CFAP54: variants seen among roughly 807,000 people sequenced by gnomAD.
CFAP54 encodes the protein cilia and flagella associated protein 54.
In CFAP54, 290 loss-of-function variants were observed where a neutral mutation model predicts 370.4. The ratio of observed to expected loss-of-function variants is 0.78; its 90% CI spans 0.71 to 0.86. The LOEUF (loss-of-function observed/expected upper bound fraction) is 0.86. Among genes scored for constraint, CFAP54 ranks in the 40% least tolerant of loss-of-function variants. The pLI is 0.00. For synonymous variants in CFAP54, 1,206 were observed against 1,236.5 expected (o/e 0.98, Z 0.52); for missense variants, 3,399 against 3,528.7 (o/e 0.96, Z 0.93).
chr12:96,648,680 C>G (rs11108614), intron 34 of CFAP54, among the ~76,000 whole-genome samples: 13,055 of 144,952 alleles, frequency 0.09, 925 homozygotes, highest in East Asian at 0.45. Flanking sequence ...CCTCCGCCTC[C>G]TGAATTCAAG....
intron 67 of CFAP54, among the ~76,000 whole-genome samples, chr12:96,867,936 A>G (rs560325355): frequency 1.5e-3 from 230 of 152,330 alleles, no homozygotes; most frequent in Non-Finnish European, 3.0e-3. Context: ...GGAAATGCAT[A>G]TATTAATTGT....
In CFAP54 at chr12:96,764,132, A is replaced by ACC; in HGVS notation, c.8041-18_8041-17insCC. On this transcript the variant is annotated intron_variant, in intron 58 of 67. Coordinates refer to ENST00000524981, the MANE Select transcript of CFAP54 (RefSeq NM_001306084.2). ...TTATCACAAAACTTTATATCATAAC[A>ACC]CATTTGCCATATTTTTAGCCTCCTC... 1 of 1,541,516 alleles carries ACC rather than the reference A, an allele frequency of 6.5e-7. No homozygotes were observed. Among genetic ancestry groups the ACC allele is most frequent in the Non-Finnish European group, 8.9e-7 (1 of 1,117,586 alleles).
At chr12:96,717,230 G>T (rs556852814) in intron 48 of CFAP54, among the ~76,000 whole-genome samples, 1 of 152,158 alleles carries the variant, frequency 6.6e-6, no homozygotes, top group South Asian at 2.1e-4. Context: ...CAGGCATTTG[G>T]TTTGTCTCCA....
intron 6 of CFAP54, among the ~76,000 whole-genome samples, chr12:96,520,521 T>TTA (rs1461275405): frequency 1.3e-5 from 2 of 151,912 alleles, no homozygotes; most frequent in Non-Finnish European, 2.9e-5. Flanking sequence ...TCAAAAAAAT[T>TTA]TATATATATA....
rs541195941 is a variant in CFAP54, at chr12:96,571,353, T to C, written c.2620-5232T>C. 3.3e-5 allele frequency among the ~76,000 whole-genome samples: 5 copies of C among 152,272 alleles called. No individual in the cohort carries two copies. The East Asian group carries it at 9.6e-4, about 29-fold the overall frequency. ...TGGCACATTGCAGTGGAAACCACCA[T>C]TGAAAGAACACCTTAGAGCTTATTT... On this transcript the variant is annotated intron_variant, in intron 19 of 67. Coordinates refer to ENST00000524981, the MANE Select transcript of CFAP54 (RefSeq NM_001306084.2).
At chr12:96,564,116 C>T (rs1370227711) in intron 17 of CFAP54, among the ~76,000 whole-genome samples, 1 of 152,108 alleles carries the variant, frequency 6.6e-6, no homozygotes, top group African/African-American at 2.4e-5. Context: ...AGTTTGACAG[C>T]TTATTGGTAT....
intron 63 of CFAP54, among the ~76,000 whole-genome samples, chr12:96,795,503 C>T (rs925983075): frequency 4.0e-5 from 6 of 151,600 alleles, no homozygotes; most frequent in East Asian, 1.9e-4. Flanking sequence ...GATAGAGTTA[C>T]GTTCTCGGGG....
At chr12:96,572,165 A>G (rs1955926318) in intron 19 of CFAP54, among the ~76,000 whole-genome samples, 1 of 152,218 alleles carries the variant, frequency 6.6e-6, no homozygotes, top group African/African-American at 2.4e-5. Context: ...TAAAGAGATA[A>G]ACAAAGCACT....
intron 9 of CFAP54, among the ~76,000 whole-genome samples, chr12:96,532,023 G>A (rs1343738410): frequency 4.6e-5 from 7 of 152,178 alleles, no homozygotes; most frequent in Admixed American, 1.3e-4. Flanking sequence ...ATCGCACCCG[G>A]CCATCAATGA....
At chr12:96,613,771 G>T (rs1404873430) in intron 26 of CFAP54, among the ~76,000 whole-genome samples, 1 of 152,166 alleles carries the variant, frequency 6.6e-6, no homozygotes, top group South Asian at 2.1e-4. Context: ...AAATCTAGAA[G>T]AAATGGATAA....
At chr12:96,780,394 A>G (rs1958569524) in intron 60 of CFAP54, among the ~76,000 whole-genome samples, 1 of 152,130 alleles carries the variant, frequency 6.6e-6, no homozygotes, top group Non-Finnish European at 1.5e-5. Flanking sequence ...CTGTATGGAT[A>G]TATATTTAAC....
At position 96,658,202 on chromosome 12, in the gene CFAP54, CCT is replaced by C; in HGVS notation, c.5325-8_5325-7del. 1.2e-6 allele frequency: 2 copies of C among 1,609,550 alleles called. No individual in the cohort carries two copies. Among genetic ancestry groups the C allele is most frequent in the Non-Finnish European group, 1.7e-6 (2 of 1,178,708 alleles). The stretch of plus-strand genomic sequence containing the variant: ...TTTTCTTTTTAATGTATTCTTTACC[CCT>C]GTCTAGTGAGAGGTATACAGAACAA... On this transcript the variant is annotated splice_polypyrimidine_tract_variant and splice_region_variant and intron_variant, in intron 37 of 67. Coordinates refer to ENST00000524981, the MANE Select transcript of CFAP54 (RefSeq NM_001306084.2).
chr12:96,769,276 A>G (rs180739026), intron 60 of CFAP54, among the ~76,000 whole-genome samples: 1 of 152,356 alleles, frequency 6.6e-6, no homozygotes, highest in Admixed American at 6.5e-5. Context: ...TCAAAGTAAC[A>G]TTTAGGATTA....
chr12:96,616,189 AG>A (rs1956415175), intron 26 of CFAP54, among the ~76,000 whole-genome samples: 1 of 152,254 alleles, frequency 6.6e-6, no homozygotes, highest in Non-Finnish European at 1.5e-5. Flanking sequence ...AGCCATAAAA[AG>A]GATGAGTTCA....
chr12:96,873,617 T>C (rs969756146), intron 67 of CFAP54, among the ~76,000 whole-genome samples: 1 of 152,206 alleles, frequency 6.6e-6, no homozygotes, highest in Non-Finnish European at 1.5e-5. Context: ...CTTCAAACTT[T>C]TTCTATAAAG....
intron 22 of CFAP54, among the ~76,000 whole-genome samples, chr12:96,586,326 G>A (rs1315480868): frequency 1.3e-5 from 2 of 152,092 alleles, no homozygotes. Context: ...GAATGCCATG[G>A]TAGGAGATAG....
chr12:96,598,731 A>G lies in CFAP54; in HGVS notation c.3603A>G (p.Gln1201=). ...ATACTGCGAGCTTTGAAAGTATACA[A>G]CACATGATAGCTTGTTGTATTTTCT... ...KKHTASFESI[Q]HMIACCIFYI... Residue 1201 remains glutamine (Q), a synonymous_variant, in exon 26 of 68, where the codon CAA becomes CAG. Coordinates refer to ENST00000524981, the MANE Select transcript of CFAP54 (RefSeq NM_001306084.2). The G allele has an allele frequency of 1.5e-6, 1 of 665,914 alleles. No homozygotes were observed. The highest frequency in any genetic ancestry group is 1.7e-5 in the South Asian group (1 of 59,640). The allele number at this position is 665,914 out of a possible 1,614,324, so 41.3% of individuals were successfully genotyped here. A position where few individuals can be genotyped will look rare whatever the true frequency, so the allele number is the denominator to read the frequency against.
chr12:96,493,581 G>A (rs1410743524), intron 1 of CFAP54, among the ~76,000 whole-genome samples: 2 of 152,180 alleles, frequency 1.3e-5, no homozygotes, highest in African/African-American at 2.4e-5. Context: ...GCTGGATCAC[G>A]AGGTCAGGTA....
chr12:96,611,884 T>C (rs896669578), intron 26 of CFAP54, among the ~76,000 whole-genome samples: 1 of 152,148 alleles, frequency 6.6e-6, no homozygotes, highest in African/African-American at 2.4e-5. Flanking sequence ...CCAAGAAATA[T>C]GGGACTATGT....
Sources: allele counts gnomAD v4.1 joint callset (sites outside exome capture counted in the v4.1 genomes callset), GRCh38; gene constraint gnomAD v4.1.1; transcripts MANE v1.5; gene names NCBI Gene and HGNC (gene_info 2026-07-23, HGNC 2026-07-21).